The following DDX10 variants were observed in gnomAD, a reference collection of about 807,000 sequenced individuals.
The protein encoded by DDX10 is probable ATP-dependent RNA helicase DDX10.
A neutral mutation model predicts 104.3 loss-of-function variants in DDX10; 74 were observed. That is an observed-to-expected ratio of 0.71 (90% confidence interval 0.59 to 0.86). The LOEUF (loss-of-function observed/expected upper bound fraction) is 0.86. DDX10 is among the 40% of genes least tolerant of loss of function. The pLI, the probability that DDX10 is intolerant of heterozygous loss-of-function variation, is 0.00. For synonymous variants in DDX10, 351 were observed against 353.4 expected (o/e 0.99, Z 0.08); for missense variants, 952 against 1,040.0 (o/e 0.92, Z 1.16).
chr11:108,694,084 C>G (rs1255465982), intron 9 of DDX10, among the ~76,000 whole-genome samples: 1 of 152,182 alleles, frequency 6.6e-6, no homozygotes, highest in African/African-American at 2.4e-5. Flanking sequence ...GTGGGCAGGA[C>G]ACAGTGGGAT....
Position 108,673,349 on chromosome 11 carries a change from G to A in DDX10, c.187-118G>A, listed in dbSNP as rs2094219541. The stretch of plus-strand genomic sequence containing the variant: ...AAGGAATGATGGCTTTTAATTAGAA[G>A]CGATGATTGAATTCAACCCTGAATT... On this transcript the variant is annotated intron_variant, in intron 1 of 17. Coordinates refer to ENST00000322536, the MANE Select transcript of DDX10 (RefSeq NM_004398.4). The A allele has an allele frequency of 1.6e-5, 11 of 684,420 alleles. No individual in the cohort carries two copies. In the Middle Eastern group the frequency reaches 1.9e-3, roughly 121 times the overall value. The allele number at this position is 684,420 out of a possible 1,614,324, so 42.4% of individuals were successfully genotyped here.
chr11:108,887,682 A>G (rs557445624), intron 16 of DDX10, among the ~76,000 whole-genome samples: 3 of 152,192 alleles, frequency 2.0e-5, no homozygotes, highest in African/African-American at 7.2e-5. Flanking sequence ...TGGGAGGCCA[A>G]GGCGGGTGGT....
chr11:108,913,523 A>G (rs1177655300), intron 16 of DDX10, among the ~76,000 whole-genome samples: 1 of 152,116 alleles, frequency 6.6e-6, no homozygotes, highest in African/African-American at 2.4e-5. Context: ...TCCACAAGGA[A>G]TATCCTTGTG....
At chr11:108,837,926 A>G (rs1260112534) in intron 13 of DDX10, among the ~76,000 whole-genome samples, 1 of 152,076 alleles carries the variant, frequency 6.6e-6, no homozygotes. Flanking sequence ...CTCGGCCTGG[A>G]CACAGTTTAA....
intron 13 of DDX10, among the ~76,000 whole-genome samples, chr11:108,789,483 A>C (rs918469376): frequency 1.3e-5 from 2 of 152,238 alleles, no homozygotes; most frequent in East Asian, 3.8e-4. Flanking sequence ...GAGGCAATTG[A>C]GTAGGTACCT....
At chr11:108,912,295 G>A (rs978584328) in intron 16 of DDX10, among the ~76,000 whole-genome samples, 1 of 151,714 alleles carries the variant, frequency 6.6e-6, no homozygotes, top group Non-Finnish European at 1.5e-5. Flanking sequence ...TTGGGATTAG[G>A]GTATGGACAT....
At chr11:108,819,113 A>T (rs1234362972) in intron 13 of DDX10, among the ~76,000 whole-genome samples, 1 of 151,930 alleles carries the variant, frequency 6.6e-6, no homozygotes, top group East Asian at 1.9e-4. Flanking sequence ...TTTGTTTTCA[A>T]ATTGCCTTTT....
chr11:108,736,777 G>A (rs568223741), intron 13 of DDX10, among the ~76,000 whole-genome samples: 1 of 152,204 alleles, frequency 6.6e-6, no homozygotes, highest in East Asian at 1.9e-4. Flanking sequence ...CCCTGGTCTT[G>A]GACTTCCCAG....
At chr11:108,705,851 G>A (rs2094275081) in intron 9 of DDX10, among the ~76,000 whole-genome samples, 1 of 152,196 alleles carries the variant, frequency 6.6e-6, no homozygotes, top group Non-Finnish European at 1.5e-5. Context: ...AGTAACTACA[G>A]GATGTCTTGT....
intron 13 of DDX10, among the ~76,000 whole-genome samples, chr11:108,794,457 G>C (rs1439669180): frequency 6.6e-6 from 1 of 151,838 alleles, no homozygotes; most frequent in Non-Finnish European, 1.5e-5. Flanking sequence ...TCTCATCTTA[G>C]AGATAAAGTA....
At chr11:108,694,486 A>G (rs2094256983) in intron 9 of DDX10, among the ~76,000 whole-genome samples, 1 of 152,206 alleles carries the variant, frequency 6.6e-6, no homozygotes, top group African/African-American at 2.4e-5. Context: ...AAACAGAGAC[A>G]TTGCTGAAGA....
intron 16 of DDX10, among the ~76,000 whole-genome samples, chr11:108,863,200 C>T (rs543354903): frequency 6.6e-6 from 1 of 152,278 alleles, no homozygotes; most frequent in Non-Finnish European, 1.5e-5. Context: ...TAAGAGTTTA[C>T]GATCTTATTA....
rs372125172 is a variant in DDX10 at position 108,704,821 on chromosome 11, T to G, written c.1224-1918T>G. ...CAGCCTCCCTCTGTCCCCTGTCTGT[T>G]GACTAGAAAAAGCAAGTAGGTGTGA... On this transcript the variant is annotated intron_variant, in intron 9 of 17. Coordinates refer to ENST00000322536, the MANE Select transcript of DDX10 (RefSeq NM_004398.4). Among the ~76,000 whole-genome samples, 12 of 152,314 alleles carry G rather than the reference T, an allele frequency of 7.9e-5. No homozygotes were observed. The South Asian group carries it at 2.5e-3, about 32-fold the overall frequency.
chr11:108,940,268 A>G lies in DDX10; in HGVS notation c.2473A>G (p.Met825Val). 1 of 1,613,964 alleles carries G rather than the reference A, an allele frequency of 6.2e-7. No homozygotes were observed. ...CAGTGATACCAAGAAGAAGCAGGGGATGAAGAAGAGGAGCAACAGTGAAGT... is the reference window on the plus strand; with the variant it reads ...CAGTGATACCAAGAAGAAGCAGGGGGTGAAGAAGAGGAGCAACAGTGAAGT... The part of the protein sequence containing the change: ...KISDTKKKQG[M>V]KKRSNSEVED... Residue 825 changes from methionine (M) to valine (V), a missense_variant, in exon 18 of 18, where the codon ATG becomes GTG. Met to Val is a conservative substitution (Grantham distance 21). Coordinates refer to ENST00000322536, the MANE Select transcript of DDX10 (RefSeq NM_004398.4).
chr11:108,753,615 A>C (rs1383858870), intron 13 of DDX10, among the ~76,000 whole-genome samples: 1 of 152,064 alleles, frequency 6.6e-6, no homozygotes, highest in Non-Finnish European at 1.5e-5. Context: ...GGTTCAGAAC[A>C]AAATAGGAAA....
chr11:108,710,215 A>G (rs1278316503), intron 10 of DDX10, among the ~76,000 whole-genome samples: 1 of 152,242 alleles, frequency 6.6e-6, no homozygotes, highest in Non-Finnish European at 1.5e-5. Context: ...TTAGCACATT[A>G]CTGTATACAA....
intron 15 of DDX10, among the ~76,000 whole-genome samples, chr11:108,851,822 A>T (rs1462700453): frequency 6.6e-6 from 1 of 152,144 alleles, no homozygotes; most frequent in Non-Finnish European, 1.5e-5. Flanking sequence ...GTTTCTAGAA[A>T]TTCCAAGTAA....
intron 16 of DDX10, among the ~76,000 whole-genome samples, chr11:108,897,928 G>A (rs1367223729): frequency 1.3e-5 from 2 of 152,076 alleles, no homozygotes; most frequent in Non-Finnish European, 2.9e-5. Context: ...TTCATGGAAA[G>A]CCCATGAAGT....
intron 1 of DDX10, among the ~76,000 whole-genome samples, chr11:108,671,847 C>T (rs891715552): frequency 5.3e-5 from 8 of 151,864 alleles, no homozygotes; most frequent in African/African-American, 1.9e-4. Flanking sequence ...ATCACGAGGT[C>T]AGGAGATCAA....
Sources: allele counts gnomAD v4.1 joint callset (sites outside exome capture counted in the v4.1 genomes callset), GRCh38; gene constraint gnomAD v4.1.1; transcripts MANE v1.5; gene names NCBI Gene and HGNC (gene_info 2026-07-23, HGNC 2026-07-21).